NRG4: variants seen among roughly 807,000 people sequenced by gnomAD.
The protein encoded by NRG4 is pro-neuregulin-4, membrane-bound isoform.
A neutral mutation model predicts 15.0 loss-of-function variants in NRG4; 10 were observed. The ratio of observed to expected loss-of-function variants is 0.67; its 90% CI spans 0.41 to 1.13. The LOEUF is 1.13. Ranked by LOEUF, NRG4 falls within the 50% of genes most tolerant of loss-of-function variation. NRG4 has a pLI of 0.00. For missense variants in NRG4, 139 were observed against 140.2 expected, an observed-to-expected ratio of 0.99 and a Z score of 0.04; for synonymous variants, 41 against 50.1, an observed-to-expected ratio of 0.82 and a Z score of 0.77.
In NRG4 at chr15:76,048,395, G is replaced by A. The variant is rs551184504; in HGVS notation, c.-105+3672C>T. Among the ~76,000 whole-genome samples, 15 of 143,730 alleles carry A rather than the reference G, an allele frequency of 1.0e-4. No individual in the cohort carries two copies. In the East Asian group the frequency reaches 1.2e-3, roughly 12 times the overall value. 94.3% of individuals were successfully genotyped at this position (143,730 alleles called of 152,430 possible). Reference sequence around the variant, plus strand: ...GCTGAGGCATGAGAATCACTTGAACGCAGGAGGCAGAGGTTGCAGCAAGCT... The same window carrying A: ...GCTGAGGCATGAGAATCACTTGAACACAGGAGGCAGAGGTTGCAGCAAGCT... On this transcript the variant is annotated intron_variant, in intron 4 of 8. Coordinates refer to the NRG4 transcript ENST00000563910.
intron 2 of NRG4, among the ~76,000 whole-genome samples, chr15:76,053,626 G>A (rs2036077946): frequency 6.6e-6 from 1 of 150,602 alleles, no homozygotes; most frequent in Non-Finnish European, 1.5e-5. Context: ...GCACAATCTT[G>A]GCTCACTGCA....
intron 5 of NRG4, among the ~76,000 whole-genome samples, chr15:76,034,634 C>A (rs1401267141): frequency 2.7e-5 from 4 of 147,088 alleles, no homozygotes; most frequent in Admixed American, 1.3e-4. Flanking sequence ...AAAAAAAAAA[C>A]ACTTCCAAAT....
At position 76,052,554 on chromosome 15, in the gene NRG4, T is replaced by G. The variant is rs1304627820; in HGVS notation, c.-215-377A>C. 4.0e-5 allele frequency among the ~76,000 whole-genome samples: 6 copies of G among 151,112 alleles called. No homozygotes were observed. The South Asian group carries it at 1.2e-3, about 31-fold the overall frequency. On this transcript the variant is annotated intron_variant, in intron 3 of 8. Coordinates refer to the NRG4 transcript ENST00000563910. ...TTTATTATGAAAGCCACTTTTTATG[T>G]TTTGTGTTCCCCAAGAAAAAAATGT...
At chr15:76,010,669 G>A (rs7173697) in intron 2 of NRG4, among the ~76,000 whole-genome samples, 5,616 of 151,926 alleles carry the variant, frequency 0.037, 178 homozygotes, top group African/African-American at 0.085. Flanking sequence ...ATGCTTCTTC[G>A]TAATCAAACA....
intron 3 of NRG4, among the ~76,000 whole-genome samples, chr15:75,972,557 G>T (rs2033148433): frequency 6.6e-6 from 1 of 152,122 alleles, no homozygotes; most frequent in Non-Finnish European, 1.5e-5. Flanking sequence ...TAAGGTGTAA[G>T]GAAGGGGTCC....
chr15:76,010,123 C>T (rs889703692), intron 2 of NRG4, among the ~76,000 whole-genome samples: 8 of 151,974 alleles, frequency 5.3e-5, no homozygotes, highest in Non-Finnish European at 7.4e-5. Context: ...TAAAAAATCC[C>T]TGTCCACCAA....
At chr15:76,003,316 C>A (rs944712650) in intron 3 of NRG4, among the ~76,000 whole-genome samples, 3 of 151,898 alleles carry the variant, frequency 2.0e-5, no homozygotes, top group Admixed American at 6.6e-5. Context: ...TAAATTAATT[C>A]TCAGAGGGAA....
At chr15:75,982,356 A>G (rs1255605366) in intron 3 of NRG4, among the ~76,000 whole-genome samples, 2 of 152,224 alleles carry the variant, frequency 1.3e-5, no homozygotes, top group Non-Finnish European at 2.9e-5. Flanking sequence ...TTCATCATGT[A>G]GATATAGTTA....
chr15:76,008,263 C>T (rs568770520), intron 3 of NRG4, among the ~76,000 whole-genome samples: 2 of 152,240 alleles, frequency 1.3e-5, no homozygotes, highest in East Asian at 3.9e-4. Context: ...AGAAAAACAC[C>T]TGGGCACTAT....
Position 75,984,223 on chromosome 15 carries a change from A to G in NRG4, c.105-22249T>C, listed in dbSNP as rs189804821. ...ATGATGTGTTGATGCAGGTTCCTCA[A>G]TGGTAATGAATGTACCATTCTGGTT... On this transcript the variant is annotated intron_variant, in intron 3 of 5. Coordinates refer to ENST00000394907, the MANE Select transcript of NRG4 (RefSeq NM_138573.4). 4.6e-5 allele frequency among the ~76,000 whole-genome samples: 7 copies of G among 152,272 alleles called. 1 individual carries two copies. The East Asian group carries it at 1.2e-3, about 25-fold the overall frequency.
chr15:76,012,929 G>C (rs185210133), upstream of NRG4, among the ~76,000 whole-genome samples: 131 of 152,226 alleles, frequency 8.6e-4, 1 homozygote, highest in Non-Finnish European at 2.5e-4. Flanking sequence ...ACCAATGACA[G>C]TGTAATGCCT....
In NRG4 at chr15:76,011,413, C is replaced by T. The variant is rs531201339; in HGVS notation, c.-56-127G>A. 9.9e-5 allele frequency: 45 copies of T among 455,712 alleles called. No individual in the cohort carries two copies. In the East Asian group the frequency reaches 1.8e-3, roughly 18 times the overall value. 28.2% of individuals were successfully genotyped at this position (455,712 alleles called of 1,614,324 possible). On this transcript the variant is annotated intron_variant, in intron 1 of 5. Transcript: ENST00000394907. ...ATAAAATAATAAAGACATTTATATA[C>T]TAGGGACAAATTTTAGTTACAGCAT...
At chr15:75,979,866 T>G (rs1275364423) in intron 3 of NRG4, among the ~76,000 whole-genome samples, 1 of 152,210 alleles carries the variant, frequency 6.6e-6, no homozygotes, top group Non-Finnish European at 1.5e-5. Context: ...CAAGACAAAT[T>G]ACAAAGAGTT....
rs918730653 is a variant in NRG4, at chr15:75,976,480, A to G, written c.105-14506T>C. On this transcript the variant is annotated intron_variant, in intron 3 of 5. Transcript: ENST00000394907. ...TTTCCTCATCTTCGTGGATTTATCT[A>G]CCTTTGGTCTTTGATGCTGTTGACC... 1.4e-4 allele frequency among the ~76,000 whole-genome samples: 21 copies of G among 151,974 alleles called. No individual in the cohort carries two copies. The East Asian group carries it at 1.5e-3, about 11-fold the overall frequency.
At chr15:76,014,539 T>C (rs1231305342), upstream of NRG4, among the ~76,000 whole-genome samples, 1 of 152,116 alleles carries the variant, frequency 6.6e-6, no homozygotes, top group East Asian at 1.9e-4. Flanking sequence ...AAGGAAGGGG[T>C]CCAGTTTCAG....
intron 3 of NRG4, among the ~76,000 whole-genome samples, chr15:75,973,599 G>A (rs1341839692): frequency 6.6e-6 from 1 of 152,138 alleles, no homozygotes; most frequent in Non-Finnish European, 1.5e-5. Context: ...TTTATTGAAG[G>A]CCTTTTCTGC....
At chr15:75,957,718 A>G (rs1057285238) in intron 4 of NRG4, among the ~76,000 whole-genome samples, 6 of 152,112 alleles carry the variant, frequency 3.9e-5, no homozygotes, top group Non-Finnish European at 8.8e-5. Context: ...TGGAATTCCA[A>G]CTAAACATAA....
At chr15:75,984,498 G>A (rs2033720241) in intron 3 of NRG4, among the ~76,000 whole-genome samples, 2 of 152,144 alleles carry the variant, frequency 1.3e-5, no homozygotes, top group African/African-American at 2.4e-5. Context: ...GGACATGGAT[G>A]AAGCTGGAAA....
intron 5 of NRG4, among the ~76,000 whole-genome samples, chr15:75,953,677 T>C (rs1255887325): frequency 1.3e-5 from 2 of 152,226 alleles, no homozygotes; most frequent in Non-Finnish European, 2.9e-5. Context: ...TAAGACTTTA[T>C]CACTGGTTCT....
Sources: gnomAD v4.1 joint callset for allele counts (sites outside exome capture counted in the v4.1 genomes callset) on GRCh38, gnomAD v4.1.1 for gene constraint, MANE v1.5 for transcripts, NCBI Gene and HGNC (gene_info 2026-07-23, HGNC 2026-07-21) for gene names.